Variants in SH3GL3 observed in about 807,000 individuals in gnomAD.
SH3GL3 encodes SH3 domain containing GRB2 like 3, endophilin A3, also known as endophilin-A3.
SH3GL3 carries 33 observed loss-of-function variants against 47.7 expected under a neutral mutation model. The observed-to-expected ratio is 0.69, with a 90% CI of 0.52 to 0.92. SH3GL3 has a LOEUF of 0.92. Ranked by LOEUF, SH3GL3 falls within the 40% of genes least tolerant of loss-of-function variation. The pLI, the probability that SH3GL3 is intolerant of heterozygous loss-of-function variation, is 0.00. For synonymous variants in SH3GL3, 155 were observed against 148.8 expected, an observed-to-expected ratio of 1.04 and a Z score of -0.30; for missense variants, 363 against 417.8, an observed-to-expected ratio of 0.87 and a Z score of 1.14.
At chr15:83,569,552 T>A (rs1168740828) in intron 4 of SH3GL3, among the ~76,000 whole-genome samples, 1 of 152,210 alleles carries the variant, frequency 6.6e-6, no homozygotes, top group Non-Finnish European at 1.5e-5. Context: ...AAGAGTATGC[T>A]TATTTTTCAG....
chr15:83,631,075 C>A, the SH3GL3 span, among the ~76,000 whole-genome samples: 25 of 152,128 alleles, frequency 1.6e-4, no homozygotes, highest in Non-Finnish European at 2.9e-4. Context: ...AACAAAGGGG[C>A]TACAGGACCC....
chr15:83,468,805 T>G (rs1434183789), intron 1 of SH3GL3, among the ~76,000 whole-genome samples: 1 of 151,756 alleles, frequency 6.6e-6, no homozygotes, highest in African/African-American at 2.4e-5. Context: ...GTAGTGTTTT[T>G]TTTTTTTTTT....
intron 6 of SH3GL3, among the ~76,000 whole-genome samples, chr15:83,578,034 G>T (rs540486098): frequency 6.6e-6 from 1 of 152,292 alleles, no homozygotes; most frequent in African/African-American, 2.4e-5. Flanking sequence ...GTGCTTGTGG[G>T]CTCGGGAATT....
At chr15:83,562,507 C>T (rs937309726) in intron 2 of SH3GL3, among the ~76,000 whole-genome samples, 1 of 152,126 alleles carries the variant, frequency 6.6e-6, no homozygotes, top group Non-Finnish European at 1.5e-5. Flanking sequence ...TAATTTGTTA[C>T]ATTATAAATC....
chr15:83,603,199 C>A (rs986495000), intron 8 of SH3GL3, among the ~76,000 whole-genome samples: 1 of 152,020 alleles, frequency 6.6e-6, no homozygotes, highest in African/African-American at 2.4e-5. Context: ...GGGGCTTCAC[C>A]ATGTTGGCCA....
intron 1 of SH3GL3, among the ~76,000 whole-genome samples, chr15:83,541,295 G>T (rs141216246): frequency 1.4e-5 from 2 of 141,636 alleles, no homozygotes; most frequent in African/African-American, 2.6e-5. Context: ...GGGATGGCTG[G>T]ATCATATGGT....
chr15:83,494,843 C>T (rs543868181), intron 1 of SH3GL3, among the ~76,000 whole-genome samples: 2 of 152,244 alleles, frequency 1.3e-5, no homozygotes, highest in East Asian at 3.9e-4. Flanking sequence ...CGCACCTGGC[C>T]GCTTTTTGTT....
chr15:83,572,324 G>A (rs1282511547), intron 4 of SH3GL3, among the ~76,000 whole-genome samples: 9 of 152,072 alleles, frequency 5.9e-5, no homozygotes, highest in South Asian at 4.1e-4. Context: ...TAAGTACTTC[G>A]GTCTGCTAGC....
intron 1 of SH3GL3, among the ~76,000 whole-genome samples, chr15:83,456,154 C>T (rs1281417659): frequency 3.9e-5 from 3 of 77,208 alleles, no homozygotes; most frequent in Non-Finnish European, 8.1e-5. Context: ...CTTGAGGAGG[C>T]AGTCTGCCCG....
At chr15:83,558,994 T>C (rs1373077964) in intron 1 of SH3GL3, among the ~76,000 whole-genome samples, 3 of 152,276 alleles carry the variant, frequency 2.0e-5, no homozygotes, top group Non-Finnish European at 4.4e-5. Flanking sequence ...AGTATCTCTC[T>C]TGTCTATGTC....
At chr15:83,530,463 A>T (rs1027009320) in intron 1 of SH3GL3, among the ~76,000 whole-genome samples, 3 of 151,950 alleles carry the variant, frequency 2.0e-5, no homozygotes, top group Non-Finnish European at 2.9e-5. Context: ...GTTTCCTGTC[A>T]CTTCTCTGCT....
intron 1 of SH3GL3, among the ~76,000 whole-genome samples, chr15:83,551,629 A>G (rs2044673910): frequency 6.6e-6 from 1 of 152,142 alleles, no homozygotes; most frequent in African/African-American, 2.4e-5. Flanking sequence ...ATCTGTTCTT[A>G]TCACTCACCT....
rs1471401794 is a variant in SH3GL3, at chr15:83,560,643, G to C, written c.114+1322G>C. Among the ~76,000 whole-genome samples the C allele has an allele frequency of 3.3e-5, 5 of 152,084 alleles. No homozygotes were observed. The East Asian group carries it at 9.6e-4, about 29-fold the overall frequency. On this transcript the variant is annotated intron_variant, in intron 2 of 8. Coordinates refer to ENST00000427482, the MANE Select transcript of SH3GL3 (RefSeq NM_003027.5). ...CCAAAAACCCCAGTGAGTTACAGAAGAAATATAAAGTCTATTATCTGTTTT... is the reference window on the plus strand; with the variant it reads ...CCAAAAACCCCAGTGAGTTACAGAACAAATATAAAGTCTATTATCTGTTTT...
chr15:83,584,767 C>T (rs1017513325), intron 6 of SH3GL3, among the ~76,000 whole-genome samples: 5 of 152,174 alleles, frequency 3.3e-5, no homozygotes, highest in Non-Finnish European at 5.9e-5. Context: ...CAAGATGGCA[C>T]CAGCACAGTG....
At chr15:83,518,447 G>A (rs990469131) in intron 1 of SH3GL3, among the ~76,000 whole-genome samples, 1 of 152,122 alleles carries the variant, frequency 6.6e-6, no homozygotes, top group Non-Finnish European at 1.5e-5. Flanking sequence ...GGTGTGAGAT[G>A]GTATCTCATT....
At chr15:83,571,950 C>T (rs1374920812) in intron 4 of SH3GL3, among the ~76,000 whole-genome samples, 1 of 152,142 alleles carries the variant, frequency 6.6e-6, no homozygotes, top group Non-Finnish European at 1.5e-5. Context: ...CCTGCCACTA[C>T]CCGAGCCAGG....
At chr15:83,570,352 C>CTGTA (rs2151765563) in intron 4 of SH3GL3, among the ~76,000 whole-genome samples, 1 of 152,166 alleles carries the variant, frequency 6.6e-6, no homozygotes, top group South Asian at 2.1e-4. Flanking sequence ...GTTTCTTGAT[C>CTGTA]TGTATCCTGT....
intron 1 of SH3GL3, among the ~76,000 whole-genome samples, chr15:83,462,540 A>T (rs189799443): frequency 3.3e-5 from 5 of 152,336 alleles, no homozygotes; most frequent in Non-Finnish European, 5.9e-5. Context: ...GGCTATGCCA[A>T]GTCTTACCCA....
chr15:83,558,174 ATTTTC>A (rs2045058527), intron 1 of SH3GL3, among the ~76,000 whole-genome samples: 1 of 151,936 alleles, frequency 6.6e-6, no homozygotes, highest in African/African-American at 2.4e-5. Context: ...GATTGAACTT[ATTTTC>A]TTCTTCCAAT....
Sources: gnomAD v4.1 joint callset for allele counts (sites outside exome capture counted in the v4.1 genomes callset) on GRCh38, gnomAD v4.1.1 for gene constraint, MANE v1.5 for transcripts, NCBI Gene and HGNC (gene_info 2026-07-23, HGNC 2026-07-21) for gene names.